ATP9A: variants seen among roughly 807,000 people sequenced by gnomAD.
ATP9A encodes probable phospholipid-transporting ATPase IIA.
ATP9A carries 52 observed loss-of-function variants against 144.1 expected under a neutral mutation model. The observed-to-expected ratio is 0.36, with a 90% CI of 0.29 to 0.45. The LOEUF (loss-of-function observed/expected upper bound fraction) is 0.45, where lower values mean the gene tolerates loss of function less well. Ranked by LOEUF, ATP9A falls within the 20% of genes least tolerant of loss-of-function variation. The probability of loss-of-function intolerance (pLI) is 1.00; values close to 1 mark genes in which losing one functional copy is unlikely to be tolerated. For missense variants in ATP9A, 947 were observed against 1,392.7 expected (o/e 0.68, Z 5.09); for synonymous variants, 582 against 557.4 (o/e 1.04, Z -0.62).
rs1218133688 is a variant in ATP9A at position 51,641,831 on chromosome 20, C to CAAAAAAA, written c.1507-2334_1507-2328dup. On this transcript the variant is annotated intron_variant, in intron 14 of 27. Coordinates refer to ENST00000338821, the MANE Select transcript of ATP9A (RefSeq NM_006045.3). The stretch of plus-strand genomic sequence containing the variant: ...GGGCAACAAGAGCGAAACTCCATCT[C>CAAAAAAA]AAAAAAAAAAAAAAAAAGATAAAAA... Among the ~76,000 whole-genome samples the CAAAAAAA allele has an allele frequency of 1.9e-4, 15 of 79,680 alleles. 1 individual carries two copies. The highest frequency in any genetic ancestry group is 6.5e-4 in the South Asian group (1 of 1,540). 52.3% of individuals were successfully genotyped at this position (79,680 alleles called of 152,430 possible).
chr20:51,609,002 T>C (rs2077174904), intron 24 of ATP9A, among the ~76,000 whole-genome samples: 1 of 145,332 alleles, frequency 6.9e-6, no homozygotes, highest in South Asian at 2.2e-4. Flanking sequence ...AACATTTGAG[T>C]GAACACCCAC....
intron 1 of ATP9A, among the ~76,000 whole-genome samples, chr20:51,734,219 A>T (rs1173822883): frequency 6.6e-6 from 1 of 152,076 alleles, no homozygotes; most frequent in Non-Finnish European, 1.5e-5. Flanking sequence ...CCTGGGCTCA[A>T]GTGATCTGCC....
intron 15 of ATP9A, 102 bp from the exon 16 acceptor site, chr20:51,629,174 A>G: frequency 1.2e-6 from 1 of 836,546 alleles, no homozygotes; most frequent in Non-Finnish European, 1.9e-6. Flanking sequence ...TGCACTTAAC[A>G]GACACCAATG....
intron 2 of ATP9A, among the ~76,000 whole-genome samples, chr20:51,727,332 T>C (rs1044278900): frequency 6.6e-6 from 1 of 150,990 alleles, no homozygotes; most frequent in African/African-American, 2.4e-5. Flanking sequence ...ATGCCTGTAA[T>C]CCCAGCACTT....
chr20:51,731,912 C>T (rs2077743397), intron 1 of ATP9A, among the ~76,000 whole-genome samples: 1 of 152,068 alleles, frequency 6.6e-6, no homozygotes, highest in Non-Finnish European at 1.5e-5. Context: ...GGGGAATCTC[C>T]TCTCCACCCC....
intron 11 of ATP9A, among the ~76,000 whole-genome samples, chr20:51,673,599 A>C (rs913593347): frequency 1.3e-5 from 2 of 152,126 alleles, no homozygotes; most frequent in East Asian, 3.9e-4. Flanking sequence ...AGGAGCTCTA[A>C]ATGGCATCCC....
intron 22 of ATP9A, among the ~76,000 whole-genome samples, chr20:51,616,970 CT>C (rs2077205620): frequency 7.2e-6 from 1 of 139,330 alleles, no homozygotes; most frequent in Non-Finnish European, 1.5e-5. Context: ...GAGACAGAGT[CT>C]TGTTCTGTTG....
chr20:51,604,002 A>T (rs1388776591), intron 27 of ATP9A, among the ~76,000 whole-genome samples: 1 of 151,998 alleles, frequency 6.6e-6, no homozygotes, highest in Non-Finnish European at 1.5e-5. Flanking sequence ...ACCGGTCTCA[A>T]ACTCCTGACC....
At chr20:51,632,196 C>T (rs1255489619) in intron 15 of ATP9A, among the ~76,000 whole-genome samples, 1 of 152,144 alleles carries the variant, frequency 6.6e-6, no homozygotes, top group Admixed American at 6.5e-5. Context: ...ACCTCCTGAC[C>T]TCAACCTTCC....
In ATP9A at chr20:51,702,365, C is replaced by CGTGTGTGTGTGT. The variant is rs10578719; in HGVS notation, c.437-4895_437-4884dup. Among the ~76,000 whole-genome samples, 291 of 130,302 alleles carry CGTGTGTGTGTGT rather than the reference C, an allele frequency of 2.2e-3. 1 individual carries two copies. Among genetic ancestry groups the CGTGTGTGTGTGT allele is most frequent in the East Asian group, 0.021 (95 of 4,620 alleles). 85.5% of individuals were successfully genotyped at this position (130,302 alleles called of 152,430 possible). A position where few individuals can be genotyped will look rare whatever the true frequency, so the allele number is the denominator to read the frequency against. Reference sequence around the variant, plus strand: ...CTTCATGCTTCATGGTGTGTGTGTTCGTGTGTGTGTGTGTGTGTGTGTGTG... The same window carrying CGTGTGTGTGTGT: ...CTTCATGCTTCATGGTGTGTGTGTTCGTGTGTGTGTGTGTGTGTGTGTGTGTGTGTGTGTGTG... On this transcript the variant is annotated intron_variant, in intron 4 of 27. Coordinates refer to ENST00000338821, the MANE Select transcript of ATP9A (RefSeq NM_006045.3).
rs754600739 is a variant in ATP9A at position 51,697,485 on chromosome 20, G to A, written c.437-3C>T. The A allele has an allele frequency of 6.2e-7, 1 of 1,612,956 alleles. No homozygotes were observed. The highest frequency in any genetic ancestry group is 1.3e-5 in the African/African-American group (1 of 75,022). On this transcript the variant is annotated splice_polypyrimidine_tract_variant and splice_region_variant and intron_variant, in intron 4 of 27. Transcript: ENST00000338821. ...AGAACTCTTCACCTTCACTGTGCCTGCAAAGCAGCAGGTTCAAGATACATC... is the reference window on the plus strand; with the variant it reads ...AGAACTCTTCACCTTCACTGTGCCTACAAAGCAGCAGGTTCAAGATACATC...
intron 2 of ATP9A, 78 bp from the exon 3 acceptor site, chr20:51,726,010 T>G: frequency 1.1e-6 from 1 of 892,174 alleles, no homozygotes; most frequent in Non-Finnish European, 1.8e-6. Flanking sequence ...GGGAAATGAA[T>G]AACATCTAAA....
At chr20:51,659,518 T>G (rs765538401) in intron 13 of ATP9A, among the ~76,000 whole-genome samples, 3 of 152,212 alleles carry the variant, frequency 2.0e-5, no homozygotes, top group Non-Finnish European at 4.4e-5. Context: ...GTTTCAGATT[T>G]TAAATCACAG....
chr20:51,719,845 G>A (rs1471463026), intron 3 of ATP9A, among the ~76,000 whole-genome samples: 2 of 151,398 alleles, frequency 1.3e-5, no homozygotes, highest in South Asian at 2.1e-4. Flanking sequence ...TCAGGAGTTC[G>A]AGACCAGCCT....
intron 1 of ATP9A, among the ~76,000 whole-genome samples, chr20:51,733,633 A>G (rs2077751201): frequency 6.6e-6 from 1 of 151,596 alleles, no homozygotes; most frequent in Admixed American, 6.6e-5. Flanking sequence ...TTGGCCTCCC[A>G]AAGTGCTGGG....
In ATP9A at chr20:51,676,127, C is replaced by T. The variant is rs2077476123; in HGVS notation, c.876+5G>A. ...GGTCAATGTACCCCATGACCTCGTA[C>T]ACACCTTACTTCGGGGATTTGAGGT... On this transcript the variant is annotated splice_donor_5th_base_variant and intron_variant, in intron 10 of 27. Coordinates refer to ENST00000338821, the MANE Select transcript of ATP9A (RefSeq NM_006045.3). The T allele has an allele frequency of 1.9e-6, 3 of 1,610,364 alleles. No individual in the cohort carries two copies. Among genetic ancestry groups the T allele is most frequent in the East Asian group, 2.2e-5 (1 of 44,824 alleles).
intron 10 of ATP9A, among the ~76,000 whole-genome samples, chr20:51,675,887 G>GAAAAAAAAAAA (rs375688302): frequency 1.9e-5 from 2 of 103,500 alleles, no homozygotes. Context: ...CTCAAAAAAA[G>GAAAAAAAAAAA]AAAAAAAAAA....
At chr20:51,670,629 T>C (rs2122787083) in intron 12 of ATP9A, among the ~76,000 whole-genome samples, 1 of 152,296 alleles carries the variant, frequency 6.6e-6, no homozygotes, top group African/African-American at 2.4e-5. Flanking sequence ...CCCATGGACA[T>C]TAAGCAGTAG....
intron 26 of ATP9A, among the ~76,000 whole-genome samples, chr20:51,605,799 G>A (rs1323970399): frequency 6.6e-6 from 1 of 151,596 alleles, no homozygotes; most frequent in African/African-American, 2.4e-5. Flanking sequence ...TGTAGTCCCA[G>A]CTACTCGGGA....
Sources: gnomAD v4.1 joint callset for allele counts (sites outside exome capture counted in the v4.1 genomes callset) on GRCh38, gnomAD v4.1.1 for gene constraint, MANE v1.5 for transcripts, NCBI Gene and HGNC (gene_info 2026-07-23, HGNC 2026-07-21) for gene names.